SYNE2: variants seen among roughly 807,000 people sequenced by gnomAD.
SYNE2 encodes spectrin repeat containing nuclear envelope protein 2.
SYNE2 carries 431 observed loss-of-function variants against 856.3 expected under a neutral mutation model. The observed-to-expected ratio is 0.50, with a 90% confidence interval of 0.47 to 0.55. The LOEUF is 0.55. SYNE2 is among the 20% of genes least tolerant of loss of function. The probability of loss-of-function intolerance (pLI) is 0.00; values close to 1 mark genes in which losing one functional copy is unlikely to be tolerated. For synonymous variants in SYNE2, 2,923 were observed against 2,872.3 expected, an observed-to-expected ratio of 1.02 and a Z score of -0.56; for missense variants, 8,129 against 8,023.2, an observed-to-expected ratio of 1.01 and a Z score of -0.50.
chr14:63,964,338 T>C (rs1566924957), intron 10 of SYNE2, among the ~76,000 whole-genome samples: 2 of 152,156 alleles, frequency 1.3e-5, no homozygotes, highest in Admixed American at 6.5e-5. Context: ...AAATAAAATG[T>C]TGTTGGAACA....
chr14:63,944,450 A>T (rs1250093669), intron 6 of SYNE2, among the ~76,000 whole-genome samples: 1 of 150,936 alleles, frequency 6.6e-6, no homozygotes, highest in African/African-American at 2.4e-5. Context: ...TACAATCTTA[A>T]TTATTTCCAC....
intron 1 of SYNE2, among the ~76,000 whole-genome samples, chr14:63,797,273 G>A (rs1429710311): frequency 2.7e-5 from 4 of 147,660 alleles, no homozygotes; most frequent in African/African-American, 7.5e-5. Context: ...TGCCCGTAAA[G>A]CCAGCTACTA....
chr14:63,785,962 G>A (rs987158710), intron 1 of SYNE2, among the ~76,000 whole-genome samples: 14 of 152,040 alleles, frequency 9.2e-5, no homozygotes, highest in African/African-American at 3.4e-4. Flanking sequence ...TTAAAAATTA[G>A]CTGGGCAGCC....
At chr14:63,778,055 T>C (rs1296405590) in intron 1 of SYNE2, among the ~76,000 whole-genome samples, 1 of 152,218 alleles carries the variant, frequency 6.6e-6, no homozygotes, top group African/African-American at 2.4e-5. Context: ...GGTTAGGCTT[T>C]ATGTCACCAC....
intron 6 of SYNE2, among the ~76,000 whole-genome samples, chr14:63,944,705 G>T (rs2153422372): frequency 6.6e-6 from 1 of 151,238 alleles, no homozygotes; most frequent in South Asian, 2.1e-4. Context: ...ATTTTTAGAA[G>T]AGATGGGGTT....
At chr14:63,776,185 T>G (rs1473440428) in intron 1 of SYNE2, among the ~76,000 whole-genome samples, 1 of 152,210 alleles carries the variant, frequency 6.6e-6, no homozygotes, top group Non-Finnish European at 1.5e-5. Context: ...GTCTGAAACT[T>G]GCAACAATCA....
At chr14:63,766,078 T>A (rs1886671651) in intron 1 of SYNE2, among the ~76,000 whole-genome samples, 1 of 145,030 alleles carries the variant, frequency 6.9e-6, no homozygotes, top group Admixed American at 7.0e-5. Flanking sequence ...ATCTCTTGAG[T>A]GGATTTTTTT....
chr14:63,997,276 A>T lies in SYNE2; in HGVS notation c.3153-25A>T, dbSNP rs745727391. 7 of 1,606,342 alleles carry T rather than the reference A, an allele frequency of 4.4e-6. No individual in the cohort carries two copies. The Admixed American group carries it at 1.2e-4, about 27-fold the overall frequency. ...TTTCATTTTTCTTACCCTCTTTTAAACATGCAATTTTGATTCCTTTCTAGG... is the reference window on the plus strand; with the variant it reads ...TTTCATTTTTCTTACCCTCTTTTAATCATGCAATTTTGATTCCTTTCTAGG... On this transcript the variant is annotated intron_variant, in intron 24 of 115. Coordinates refer to ENST00000555002, the MANE Select transcript of SYNE2 (RefSeq NM_182914.3).
Position 64,220,657 on chromosome 14 carries a change from C to G in SYNE2, c.20061+20C>G, listed in dbSNP as rs772301268. On this transcript the variant is annotated intron_variant, in intron 111 of 115. Transcript: ENST00000555002. ...TGCCAGGTACGCTGACTCAGCAGCC[C>G]GCCTCCCAGAGCCGGTACCCAGGCC... 6.2e-7 allele frequency: 1 copy of G among 1,612,102 alleles called. No individual in the cohort carries two copies. Among genetic ancestry groups the G allele is most frequent in the Non-Finnish European group, 8.5e-7 (1 of 1,179,704 alleles).
chr14:64,216,141 G>T, intron 107 of SYNE2, 107 bp from the exon 108 acceptor site: 2 of 1,588,072 alleles, frequency 1.3e-6, no homozygotes, highest in Non-Finnish European at 1.7e-6. Flanking sequence ...TGCATGCTTT[G>T]CAAGGAAAGC....
At chr14:63,805,424 TC>T (rs1888321468) in intron 1 of SYNE2, among the ~76,000 whole-genome samples, 1 of 152,316 alleles carries the variant, frequency 6.6e-6, no homozygotes, top group South Asian at 2.1e-4. Flanking sequence ...CTTCACCCTG[TC>T]GCTCAGGCTG....
chr14:63,824,809 C>G (rs553172318), intron 1 of SYNE2, among the ~76,000 whole-genome samples: 1 of 152,140 alleles, frequency 6.6e-6, no homozygotes, highest in East Asian at 1.9e-4. Context: ...ACTATGCACC[C>G]ACAAAAATTA....
At chr14:64,141,602 C>CA in intron 81 of SYNE2, 79 bp downstream of exon 81, 1 of 1,463,184 alleles carries the variant, frequency 6.8e-7, no homozygotes, top group East Asian at 2.3e-5. Flanking sequence ...TTCTCTGACT[C>CA]AATAATTTTC....
Position 63,942,797 on chromosome 14 carries a change from A to T in SYNE2, c.408+654A>T, listed in dbSNP as rs2095943285. ...GGTGTGAGCCACCATGCCCGGCCTA[A>T]TTTTTGTATATTTTGTAGAGATGGG... is the stretch of plus-strand genomic sequence containing the variant. On this transcript the variant is annotated intron_variant, in intron 6 of 115. Coordinates refer to ENST00000555002, the MANE Select transcript of SYNE2 (RefSeq NM_182914.3). Among the ~76,000 whole-genome samples, 3 of 151,766 alleles carry T rather than the reference A, an allele frequency of 2.0e-5. No homozygotes were observed. In the South Asian group the frequency reaches 6.2e-4, roughly 32 times the overall value.
intron 46 of SYNE2, 108 bp from the exon 47 acceptor site, chr14:64,049,503 A>G (rs2097209402): frequency 9.3e-7 from 1 of 1,071,272 alleles, no homozygotes; most frequent in South Asian, 1.4e-5. Flanking sequence ...CAAATGAGTT[A>G]CCCTCTTCCT....
At chr14:63,886,718 G>A (rs1595439513) in intron 1 of SYNE2, among the ~76,000 whole-genome samples, 1 of 152,204 alleles carries the variant, frequency 6.6e-6, no homozygotes, top group Non-Finnish European at 1.5e-5. Context: ...GGAGTGTGGT[G>A]GTCAAATCTC....
chr14:64,212,947 G>T lies in SYNE2; in HGVS notation c.18998G>T (p.Cys6333Phe), dbSNP rs768044506. Residue 6333 changes from cysteine to phenylalanine, a missense_variant, in exon 105 of 116, where the codon TGC (cysteine) becomes TTC (phenylalanine). This residue lies in a region of SYNE2 where 5,410 missense variants were observed against 5,284.8 expected (regional missense o/e 1.02). Transcript: ENST00000555002. ...GAGCTGGAGGAACTCCACCGCTACTGCCAGGAGGTGTTTGGAAGGGTCTCC... is the reference window on the plus strand; with the variant it reads ...GAGCTGGAGGAACTCCACCGCTACTTCCAGGAGGTGTTTGGAAGGGTCTCC... ...EDELEELHRY[C>F]QEVFGRVSRF... The T allele has an allele frequency of 2.8e-5, 45 of 1,614,064 alleles. No individual in the cohort carries two copies. The highest frequency in any genetic ancestry group is 3.7e-5 in the Non-Finnish European group (44 of 1,180,052).
rs529915365 is a variant in SYNE2 at position 63,964,406 on chromosome 14, G to A, written c.990+406G>A. ...ACTTTCACACTATAACCCCAGAGTT[G>A]AGTAGTCGTGATAGAGACCATATGG... On this transcript the variant is annotated intron_variant, in intron 10 of 115. Transcript: ENST00000555002. 3.3e-5 allele frequency among the ~76,000 whole-genome samples: 5 copies of A among 152,342 alleles called. No individual in the cohort carries two copies. The South Asian group carries it at 1.0e-3, about 32-fold the overall frequency.
intron 1 of SYNE2, among the ~76,000 whole-genome samples, chr14:63,879,517 C>T (rs1233012039): frequency 6.6e-6 from 1 of 152,158 alleles, no homozygotes; most frequent in Non-Finnish European, 1.5e-5. Context: ...CCAGGAAAGG[C>T]CCAGGTGGCT....
Sources: gnomAD v4.1 joint callset for allele counts (sites outside exome capture counted in the v4.1 genomes callset) on GRCh38, gnomAD v4.1.1 for gene constraint, gnomAD v4.1.1 regional missense constraint, MANE v1.5 for transcripts, NCBI Gene and HGNC (gene_info 2026-07-23, HGNC 2026-07-21) for gene names.